Variants in GNG2 observed in about 807,000 individuals in gnomAD.
GNG2 encodes guanine nucleotide-binding protein G(I)/G(S)/G(O) subunit gamma-2.
A neutral mutation model predicts 5.5 loss-of-function variants in GNG2; 5 were observed. The ratio of observed to expected loss-of-function variants is 0.91; its 90% confidence interval spans 0.48 to 1.92. The LOEUF (loss-of-function observed/expected upper bound fraction) is 1.92. Among genes scored for constraint, GNG2 ranks in the 30% most tolerant of loss-of-function variants. GNG2 has a pLI of 0.01. For missense variants in GNG2, 55 were observed against 88.4 expected, an observed-to-expected ratio of 0.62 and a Z score of 1.52; for synonymous variants, 28 against 32.0, an observed-to-expected ratio of 0.88 and a Z score of 0.42.
At chr14:51,927,417 T>C (rs1257396306) in intron 2 of GNG2, among the ~76,000 whole-genome samples, 1 of 152,244 alleles carries the variant, frequency 6.6e-6, no homozygotes, top group Non-Finnish European at 1.5e-5. Context: ...AGAAAAATTC[T>C]TATTCAATAT....
chr14:51,956,291 G>T (rs187737889), intron 3 of GNG2, among the ~76,000 whole-genome samples: 35 of 152,268 alleles, frequency 2.3e-4, no homozygotes, highest in Middle Eastern at 3.4e-3. Context: ...CCTCTGATTT[G>T]TAGCCAAGTT....
intron 2 of GNG2, among the ~76,000 whole-genome samples, chr14:51,900,384 T>G (rs1885471072): frequency 6.6e-6 from 1 of 151,968 alleles, no homozygotes; most frequent in Non-Finnish European, 1.5e-5. Flanking sequence ...TGAAAAAACC[T>G]GGTTTCAGGA....
chr14:51,962,210 A>C (rs1693177), intron 3 of GNG2, among the ~76,000 whole-genome samples: 2 of 15,270 alleles, frequency 1.3e-4, no homozygotes, highest in Admixed American at 7.4e-4. Context: ...AAATAATATT[A>C]TTTAAAATAT....
In GNG2 at chr14:51,954,335, G is replaced by C. The variant is rs575254858; in HGVS notation, c.87+3570G>C. Among the ~76,000 whole-genome samples, 7 of 152,234 alleles carry C rather than the reference G, an allele frequency of 4.6e-5. No homozygotes were observed. The South Asian group carries it at 1.4e-3, about 32-fold the overall frequency. On this transcript the variant is annotated intron_variant, in intron 3 of 3. Transcript: ENST00000556766. Reference sequence around the variant, plus strand: ...AAATTGGGAAGAGAGTTAGGGGAAGGGGGAGAGAGGGGCTGTGGACTGTGA... The same window carrying C: ...AAATTGGGAAGAGAGTTAGGGGAAGCGGGAGAGAGGGGCTGTGGACTGTGA...
At chr14:51,856,574 A>G (rs1247782555), upstream of GNG2, among the ~76,000 whole-genome samples, 2 of 152,122 alleles carry the variant, frequency 1.3e-5, no homozygotes, top group African/African-American at 4.8e-5. Context: ...TTGGGACTAC[A>G]GGCGTGCACC....
chr14:51,966,324 C>G (rs1889917826), intron 3 of GNG2, among the ~76,000 whole-genome samples: 1 of 151,212 alleles, frequency 6.6e-6, no homozygotes, highest in African/African-American at 2.4e-5. Context: ...TCCTTCGGTT[C>G]TGCACCCTAA....
intron 2 of GNG2, among the ~76,000 whole-genome samples, chr14:51,896,209 C>T (rs4898723): frequency 0.26 from 39,273 of 152,014 alleles, 6,596 homozygotes; most frequent in Non-Finnish European, 0.37. Flanking sequence ...ACCATAGACC[C>T]GTTGCAGAAT....
At chr14:51,832,834 G>C (rs1345948921) in intron 2 of GNG2, among the ~76,000 whole-genome samples, 1 of 152,134 alleles carries the variant, frequency 6.6e-6, no homozygotes, top group African/African-American at 2.4e-5. Context: ...GAAGATGAGG[G>C]CTTCAATATA....
rs1884575354 is a variant in GNG2 at position 51,887,868 on chromosome 14, G to A, written c.-30+10211G>A. Among the ~76,000 whole-genome samples the A allele has an allele frequency of 2.0e-5, 3 of 152,282 alleles. No homozygotes were observed. In the South Asian group the frequency reaches 6.2e-4, roughly 32 times the overall value. On this transcript the variant is annotated intron_variant, in intron 2 of 3. Coordinates refer to ENST00000556766, the MANE Select transcript of GNG2 (RefSeq NM_053064.5). ...AGTAGTCATGCAAATACCTTTTTAG[G>A]ATGTATACACGTGTTGAAAACAACC... is the stretch of plus-strand genomic sequence containing the variant.
At position 51,908,736 on chromosome 14, in the gene GNG2, A is replaced by AT. The variant is rs3030340; in HGVS notation, c.-30+31102dup. Reference sequence around the variant, plus strand: ...AGGCGTGCGCCACCACACCCAGCTAATTTTTTTTTTTTTTTTTTTTTTTAG... The same window carrying AT: ...AGGCGTGCGCCACCACACCCAGCTAATTTTTTTTTTTTTTTTTTTTTTTTAG... On this transcript the variant is annotated intron_variant, in intron 2 of 3. Coordinates refer to ENST00000556766, the MANE Select transcript of GNG2 (RefSeq NM_053064.5). Among the ~76,000 whole-genome samples the AT allele has an allele frequency of 3.1e-3, 280 of 89,870 alleles. 7 individuals carry two copies. Among genetic ancestry groups the AT allele is most frequent in the South Asian group, 9.5e-3 (22 of 2,326 alleles). The allele number at this position is 89,870 out of a possible 152,430, so 59.0% of individuals were successfully genotyped here.
At chr14:51,900,534 GTCC>G (rs1885479772) in intron 2 of GNG2, among the ~76,000 whole-genome samples, 1 of 149,806 alleles carries the variant, frequency 6.7e-6, no homozygotes, top group Admixed American at 6.7e-5. Context: ...TCAAATAAGT[GTCC>G]TCCTACAGTG....
intron 1 of GNG2, among the ~76,000 whole-genome samples, chr14:51,862,186 A>G (rs2140103255): frequency 6.6e-6 from 1 of 152,258 alleles, no homozygotes; most frequent in Non-Finnish European, 1.5e-5. Flanking sequence ...GGAAGCTTTT[A>G]TAGCTACTAA....
intron 2 of GNG2, among the ~76,000 whole-genome samples, chr14:51,849,231 C>T (rs1881795874): frequency 6.6e-6 from 1 of 152,150 alleles, no homozygotes; most frequent in South Asian, 2.1e-4. Flanking sequence ...CCACATCGAC[C>T]TCTCCACAGG....
chr14:51,961,620 A>G (rs1475789379), intron 3 of GNG2, among the ~76,000 whole-genome samples: 1 of 152,224 alleles, frequency 6.6e-6, no homozygotes, highest in Non-Finnish European at 1.5e-5. Context: ...GTACTCTGAG[A>G]GAAAATAATC....
chr14:51,920,169 G>A (rs182287227), intron 2 of GNG2, among the ~76,000 whole-genome samples: 92 of 152,226 alleles, frequency 6.0e-4, no homozygotes, highest in African/African-American at 2.1e-3. Context: ...CAGATACTGA[G>A]GACCATATCT....
intron 3 of GNG2, among the ~76,000 whole-genome samples, chr14:51,956,328 G>A (rs1162824584): frequency 6.6e-6 from 1 of 152,140 alleles, no homozygotes; most frequent in South Asian, 2.1e-4. Flanking sequence ...TAACCTGGGG[G>A]CCTACTGCTT....
intron 2 of GNG2, among the ~76,000 whole-genome samples, chr14:51,843,592 C>T (rs1194820514): frequency 3.4e-5 from 5 of 146,674 alleles, no homozygotes; most frequent in Non-Finnish European, 6.0e-5. Flanking sequence ...AAAAAAAAAA[C>T]TCAAATATTT....
At chr14:51,850,288 T>A (rs78640417) in intron 2 of GNG2, among the ~76,000 whole-genome samples, 1 of 152,200 alleles carries the variant, frequency 6.6e-6, no homozygotes, top group East Asian at 1.9e-4. Flanking sequence ...ATGTGGCTGT[T>A]AAAATTGCCT....
At chr14:51,828,185 G>C (rs1203471776) in intron 2 of GNG2, among the ~76,000 whole-genome samples, 2 of 152,186 alleles carry the variant, frequency 1.3e-5, no homozygotes, top group African/African-American at 2.4e-5. Flanking sequence ...CACAGTCTCC[G>C]GCAAGGCTGC....
Sources: gnomAD v4.1 joint callset for allele counts (sites outside exome capture counted in the v4.1 genomes callset) on GRCh38, gnomAD v4.1.1 for gene constraint, MANE v1.5 for transcripts, NCBI Gene and HGNC (gene_info 2026-07-23, HGNC 2026-07-21) for gene names.